Variants in SNX27 observed in about 807,000 individuals in gnomAD.
SNX27 encodes sorting nexin-27.
In SNX27, 22 loss-of-function variants were observed where a neutral mutation model predicts 71.6. That is an observed-to-expected ratio of 0.31 (90% CI 0.22 to 0.44). The LOEUF (loss-of-function observed/expected upper bound fraction) is 0.44, where lower values mean the gene tolerates loss of function less well. Ranked by LOEUF, SNX27 falls within the 20% of genes least tolerant of loss-of-function variation. The pLI is 1.00. For missense variants in SNX27, 531 were observed against 698.6 expected (o/e 0.76, Z 2.70); for synonymous variants, 269 against 277.2 (o/e 0.97, Z 0.29).
chr1:151,652,435 G>T (rs1490879104), intron 2 of SNX27, among the ~76,000 whole-genome samples: 1 of 141,998 alleles, frequency 7.0e-6, no homozygotes, highest in Non-Finnish European at 1.5e-5. Flanking sequence ...CTCAGACGGA[G>T]CCTTGCTCTG....
At chr1:151,675,024 T>C (rs991030064) in intron 7 of SNX27, among the ~76,000 whole-genome samples, 1 of 152,156 alleles carries the variant, frequency 6.6e-6, no homozygotes, top group African/African-American at 2.4e-5. Flanking sequence ...CAGTCCTCCT[T>C]ATTTTAGCCA....
At chr1:151,654,981 A>G (rs1044332224) in intron 2 of SNX27, among the ~76,000 whole-genome samples, 1 of 152,026 alleles carries the variant, frequency 6.6e-6, no homozygotes, top group Non-Finnish European at 1.5e-5. Context: ...ACTAATTTTT[A>G]TCCTGGTCAT....
intron 1 of SNX27, among the ~76,000 whole-genome samples, chr1:151,627,731 G>T (rs933393848): frequency 7.2e-6 from 1 of 138,260 alleles, no homozygotes; most frequent in African/African-American, 2.5e-5. Flanking sequence ...CCTGGCCAAG[G>T]TTCACTCTTT....
intron 1 of SNX27, among the ~76,000 whole-genome samples, chr1:151,629,737 C>A (rs1266865504): frequency 6.0e-5 from 9 of 151,258 alleles, no homozygotes; most frequent in East Asian, 2.0e-4. Context: ...GCCACCATGC[C>A]CGGCTAATTT....
intron 2 of SNX27, among the ~76,000 whole-genome samples, chr1:151,649,824 G>A (rs1165270438): frequency 2.0e-5 from 3 of 151,480 alleles, no homozygotes; most frequent in Non-Finnish European, 4.4e-5. Context: ...TCCTGACTCA[G>A]CCTTCCGAGT....
chr1:151,663,207 G>A (rs568849529), intron 5 of SNX27, among the ~76,000 whole-genome samples: 1 of 150,332 alleles, frequency 6.7e-6, no homozygotes, highest in Admixed American at 6.6e-5. Flanking sequence ...CTGGAGTGCA[G>A]TGGTGCGATC....
intron 8 of SNX27, among the ~76,000 whole-genome samples, chr1:151,690,727 G>A (rs181150769): frequency 6.6e-6 from 1 of 152,130 alleles, no homozygotes; most frequent in Admixed American, 6.5e-5. Context: ...GATTACAAGT[G>A]TGAGCCACCA....
rs369332843 is a variant in SNX27 at position 151,636,448 on chromosome 1, G to A, written c.312-2440G>A. Among the ~76,000 whole-genome samples, 5 of 151,928 alleles carry A rather than the reference G, an allele frequency of 3.3e-5. No homozygotes were observed. In the East Asian group the frequency reaches 7.7e-4, roughly 23 times the overall value. On this transcript the variant is annotated intron_variant, in intron 1 of 11. Transcript: ENST00000458013. ...CCCAAGTAGCTGGAACTATAGGCACGTGCCACCAGGCCTGGCTAATCTTTT... is the reference window on the plus strand; with the variant it reads ...CCCAAGTAGCTGGAACTATAGGCACATGCCACCAGGCCTGGCTAATCTTTT...
chr1:151,692,645 T>G, intron 9 of SNX27, 61 bp downstream of exon 9: 1 of 1,571,802 alleles, frequency 6.4e-7, no homozygotes, highest in African/African-American at 1.4e-5. Flanking sequence ...GCTCACTTGC[T>G]TGTGACGTTT....
At chr1:151,660,669 C>T in intron 3 of SNX27, 129 bp from the exon 4 acceptor site, 1 of 674,592 alleles carries the variant, frequency 1.5e-6, no homozygotes, top group East Asian at 2.7e-5. Context: ...GGTTTGCTGC[C>T]TCATTATTGC....
At chr1:151,625,109 A>G (rs2102605486) in intron 1 of SNX27, among the ~76,000 whole-genome samples, 1 of 152,324 alleles carries the variant, frequency 6.6e-6, no homozygotes, top group Non-Finnish European at 1.5e-5. Context: ...ACCAGATGCC[A>G]ATTAACATAC....
At chr1:151,679,380 G>A (rs901616339) in intron 7 of SNX27, 3 of 152,104 alleles carry the variant, frequency 2.0e-5, no homozygotes, top group South Asian at 2.1e-4. Context: ...AATTAATAAG[G>A]TAGAAATTAA....
chr1:151,622,665 T>C (rs1421029512), intron 1 of SNX27, among the ~76,000 whole-genome samples: 1 of 152,174 alleles, frequency 6.6e-6, no homozygotes, highest in Non-Finnish European at 1.5e-5. Context: ...ACTGAGTTGG[T>C]GTTGGGAAAT....
rs1668594996 is a variant in SNX27 at position 151,638,934 on chromosome 1, C to T, written c.358C>T (p.Leu120=). 6.2e-7 allele frequency: 1 copy of T among 1,614,072 alleles called. No individual in the cohort carries two copies. Among genetic ancestry groups the T allele is most frequent in the East Asian group, 2.2e-5 (1 of 44,880 alleles). ...GGCGACACACAAGCAGGTGGTGGAC[C>T]TGATTCGAGCAGGCGAGAAGGAATT... The part of the protein sequence containing the change: ...EGATHKQVVD[L]IRAGEKELIL... The change falls in exon 2 of 12, where the codon CTG becomes TTG. Residue 120 remains leucine, a synonymous_variant. Coordinates refer to ENST00000458013, the MANE Select transcript of SNX27 (RefSeq NM_001330723.2).
At chr1:151,640,227 T>C (rs1478607394) in intron 2 of SNX27, among the ~76,000 whole-genome samples, 2 of 152,198 alleles carry the variant, frequency 1.3e-5, no homozygotes, top group East Asian at 3.8e-4. Context: ...GTGCTAACTT[T>C]GAGTCATAAG....
rs56886589 is a variant in SNX27, at chr1:151,641,598, G to GATATATATATATATATATAT, written c.543+2492_543+2511dup. 2.6e-3 allele frequency among the ~76,000 whole-genome samples: 209 copies of GATATATATATATATATATAT among 78,910 alleles called. 1 individual carries two copies. Among genetic ancestry groups the GATATATATATATATATATAT allele is most frequent in the South Asian group, 0.013 (23 of 1,778 alleles). The allele number at this position is 78,910 out of a possible 152,430, so 51.8% of individuals were successfully genotyped here. A position where few individuals can be genotyped will look rare whatever the true frequency, so the allele number is the denominator to read the frequency against. ...TTCTGGTTCTACAAGTCCTTTATCA[G>GATATATATATATATATATAT]ATATATATATATATATATATATATA... is the stretch of plus-strand genomic sequence containing the variant. On this transcript the variant is annotated intron_variant, in intron 2 of 11. Coordinates refer to ENST00000458013, the MANE Select transcript of SNX27 (RefSeq NM_001330723.2).
At chr1:151,667,781 C>T (rs1456279770) in intron 6 of SNX27, among the ~76,000 whole-genome samples, 1 of 141,134 alleles carries the variant, frequency 7.1e-6, no homozygotes, top group African/African-American at 2.7e-5. Context: ...GAGCCGAGAT[C>T]CCGCCACTGC....
At chr1:151,684,184 G>A (rs1413166775) in intron 8 of SNX27, among the ~76,000 whole-genome samples, 2 of 152,084 alleles carry the variant, frequency 1.3e-5, no homozygotes, top group East Asian at 3.8e-4. Flanking sequence ...GCTCCGTAGT[G>A]CTCTTGGTTA....
chr1:151,664,364 C>T (rs970676017), intron 5 of SNX27, among the ~76,000 whole-genome samples: 1 of 151,854 alleles, frequency 6.6e-6, no homozygotes, highest in Admixed American at 6.6e-5. Context: ...TTCATGTCTG[C>T]TCCTGTATGC....
Sources: allele counts gnomAD v4.1 joint callset (sites outside exome capture counted in the v4.1 genomes callset), GRCh38; gene constraint gnomAD v4.1.1; transcripts MANE v1.5; gene names NCBI Gene and HGNC (gene_info 2026-07-23, HGNC 2026-07-21).